ASAP1: variants seen among roughly 807,000 people sequenced by gnomAD.
The protein encoded by ASAP1 is ArfGAP with SH3 domain, ankyrin repeat and PH domain 1, also known as arf-GAP with SH3 domain, ANK repeat and PH domain-containing protein 1.
A neutral mutation model predicts 145.2 loss-of-function variants in ASAP1; 43 were observed. The observed-to-expected ratio is 0.30, with a 90% CI of 0.23 to 0.38. ASAP1 has a LOEUF of 0.38. Ranked by LOEUF, ASAP1 falls within the 10% of genes least tolerant of loss-of-function variation. The pLI, the probability that ASAP1 is intolerant of heterozygous loss-of-function variation, is 1.00. For missense variants in ASAP1, 1,018 were observed against 1,355.3 expected (o/e 0.75, Z 3.91); for synonymous variants, 546 against 515.5 (o/e 1.06, Z -0.80).
At chr8:130,077,085 C>G (rs911240593) in intron 26 of ASAP1, among the ~76,000 whole-genome samples, 31 of 152,320 alleles carry the variant, frequency 2.0e-4, no homozygotes, top group South Asian at 1.2e-3. Context: ...TGGCGGCTGG[C>G]AGAAGGTCTC....
chr8:130,311,741 A>G (rs1400031831), intron 3 of ASAP1, among the ~76,000 whole-genome samples: 1 of 140,464 alleles, frequency 7.1e-6, no homozygotes, highest in Non-Finnish European at 1.5e-5. Flanking sequence ...AGCCTGGGCA[A>G]CAAGAGCGAA....
chr8:130,387,960 A>G (rs1240227072), intron 2 of ASAP1, among the ~76,000 whole-genome samples: 2 of 152,230 alleles, frequency 1.3e-5, no homozygotes, highest in African/African-American at 4.8e-5. Context: ...ACAAGAGAAC[A>G]AACAATTCCA....
At chr8:130,131,307 T>C (rs2097582596) in intron 15 of ASAP1, among the ~76,000 whole-genome samples, 1 of 152,202 alleles carries the variant, frequency 6.6e-6, no homozygotes, top group Non-Finnish European at 1.5e-5. Flanking sequence ...CATCGAACAC[T>C]TTCATATGAA....
chr8:130,231,345 T>C (rs977542791), intron 4 of ASAP1, among the ~76,000 whole-genome samples: 4 of 152,208 alleles, frequency 2.6e-5, no homozygotes, highest in African/African-American at 9.7e-5. Context: ...TTTGAAAATA[T>C]GACTTCCACA....
intron 3 of ASAP1, among the ~76,000 whole-genome samples, chr8:130,249,776 C>T (rs1819078571): frequency 6.6e-6 from 1 of 152,076 alleles, no homozygotes; most frequent in Non-Finnish European, 1.5e-5. Context: ...GCTGGCCCTG[C>T]ACCCCAGGGT....
At chr8:130,138,543 A>G (rs2097600850) in intron 13 of ASAP1, among the ~76,000 whole-genome samples, 1 of 152,180 alleles carries the variant, frequency 6.6e-6, no homozygotes, top group Non-Finnish European at 1.5e-5. Flanking sequence ...TTTTCTGAGA[A>G]AACAGCTGAA....
intron 9 of ASAP1, among the ~76,000 whole-genome samples, chr8:130,172,256 A>G (rs956059729): frequency 6.6e-6 from 1 of 152,180 alleles, no homozygotes; most frequent in Non-Finnish European, 1.5e-5. Flanking sequence ...TTCTTTGTAG[A>G]TATTTTTGAA....
At chr8:130,146,944 G>A (rs566855071) in intron 13 of ASAP1, among the ~76,000 whole-genome samples, 4 of 152,078 alleles carry the variant, frequency 2.6e-5, no homozygotes, top group East Asian at 3.9e-4. Context: ...GAATTCCAAC[G>A]GCCAGGTGTG....
chr8:130,326,869 A>G (rs940286004), intron 3 of ASAP1, among the ~76,000 whole-genome samples: 6 of 152,130 alleles, frequency 3.9e-5, no homozygotes, highest in Non-Finnish European at 7.4e-5. Context: ...TCAGTGGCCT[A>G]TTTCTTCAGG....
At chr8:130,183,593 TG>T (rs1188042179) in intron 7 of ASAP1, among the ~76,000 whole-genome samples, 1 of 152,124 alleles carries the variant, frequency 6.6e-6, no homozygotes. Flanking sequence ...TTGCCCACCT[TG>T]GTTTCCCAAA....
chr8:130,399,501 T>C (rs528329965), intron 2 of ASAP1, among the ~76,000 whole-genome samples: 1 of 152,052 alleles, frequency 6.6e-6, no homozygotes, highest in African/African-American at 2.4e-5. Context: ...AATAGAAAAA[T>C]TTTGAAAATA....
At chr8:130,120,182 C>T (rs2097563434) in intron 18 of ASAP1, among the ~76,000 whole-genome samples, 1 of 152,220 alleles carries the variant, frequency 6.6e-6, no homozygotes, top group African/African-American at 2.4e-5. Flanking sequence ...AGGTCAAAGT[C>T]CTTTTTAGGA....
intron 27 of ASAP1, among the ~76,000 whole-genome samples, chr8:130,062,383 A>G (rs913214730): frequency 5.3e-5 from 8 of 152,238 alleles, no homozygotes; most frequent in African/African-American, 9.6e-5. Context: ...CTGTCTAGTC[A>G]TATCTCTAAA....
At chr8:130,098,884 C>T (rs779063332) in intron 24 of ASAP1, among the ~76,000 whole-genome samples, 1 of 152,048 alleles carries the variant, frequency 6.6e-6, no homozygotes, top group Non-Finnish European at 1.5e-5. Flanking sequence ...GGAACTTATC[C>T]TTCCCATCTA....
chr8:130,198,035 G>A lies in ASAP1; in HGVS notation c.406-9852C>T, dbSNP rs185977647. ...TTGCTGGCTCTGGGTCTTTTCTTCG[G>A]CCTCTTGAACCTGGTGCCTTCCCTA... On this transcript the variant is annotated intron_variant, in intron 5 of 29. Transcript: ENST00000518721. 1.1e-4 allele frequency among the ~76,000 whole-genome samples: 17 copies of A among 152,196 alleles called. No individual in the cohort carries two copies. In the East Asian group the frequency reaches 3.3e-3, roughly 29 times the overall value.
intron 12 of ASAP1, among the ~76,000 whole-genome samples, chr8:130,156,948 T>C (rs1270611386): frequency 1.3e-5 from 2 of 152,234 alleles, no homozygotes; most frequent in Non-Finnish European, 2.9e-5. Context: ...TTCAAGAAGA[T>C]CATTGTGATT....
At chr8:130,424,509 C>A (rs72726219) in intron 1 of ASAP1, among the ~76,000 whole-genome samples, 1 of 152,132 alleles carries the variant, frequency 6.6e-6, no homozygotes, top group Non-Finnish European at 1.5e-5. Context: ...GTAGGCTCAG[C>A]GTTTGTTTTT....
chr8:130,377,523 A>AC (rs1395139052), intron 2 of ASAP1, among the ~76,000 whole-genome samples: 1 of 152,186 alleles, frequency 6.6e-6, no homozygotes, highest in Non-Finnish European at 1.5e-5. Context: ...TGTGCTGAGT[A>AC]CCGGGATGTA....
chr8:130,320,322 G>A (rs1028317111), intron 3 of ASAP1, among the ~76,000 whole-genome samples: 6 of 152,156 alleles, frequency 3.9e-5, no homozygotes, highest in East Asian at 1.9e-4. Context: ...TTGGGAGGCC[G>A]AGGTGGGAGG....
Sources: gnomAD v4.1 joint callset for allele counts (sites outside exome capture counted in the v4.1 genomes callset) on GRCh38, gnomAD v4.1.1 for gene constraint, MANE v1.5 for transcripts, NCBI Gene and HGNC (gene_info 2026-07-23, HGNC 2026-07-21) for gene names.